ZC3H12B: variants seen among roughly 807,000 people sequenced by gnomAD.
The protein encoded by ZC3H12B is zinc finger CCCH-type containing 12B.
Under a neutral mutation model 43.9 loss-of-function variants are expected in ZC3H12B, and 7 were observed. The observed-to-expected ratio is 0.16, with a 90% confidence interval of 0.09 to 0.30. The LOEUF (loss-of-function observed/expected upper bound fraction) is 0.30, where lower values mean the gene tolerates loss of function less well. Among genes scored for constraint, ZC3H12B ranks in the 10% least tolerant of loss-of-function variants. The pLI is 1.00. For synonymous variants in ZC3H12B, 222 were observed against 241.7 expected (o/e 0.92, Z 0.76); for missense variants, 475 against 670.2 (o/e 0.71, Z 3.22).
the ZC3H12B span, among the ~76,000 whole-genome samples, chrX:65,324,679 T>G: frequency 1.8e-5 from 2 of 111,464 alleles, no homozygotes; most frequent in East Asian, 2.8e-4. Context: ...TGATTTAAGT[T>G]TTCTTAAAAT....
At chrX:65,245,822 A>G in the ZC3H12B span, among the ~76,000 whole-genome samples, 1 of 110,986 alleles carries the variant, frequency 9.0e-6, no homozygotes, top group South Asian at 3.8e-4. Context: ...CCTATTCAAC[A>G]TACTATTGGA....
At chrX:65,397,360 C>T (rs1169237721) in intron 2 of ZC3H12B, among the ~76,000 whole-genome samples, 3 of 111,786 alleles carry the variant, frequency 2.7e-5, no homozygotes, top group Non-Finnish European at 5.6e-5. Context: ...CATATTAGGG[C>T]TTCCTTCAGG....
exon 5 of ZC3H12B, chrX:65,504,592 G>C (rs1406726581): frequency 8.9e-6 from 1 of 112,102 alleles, no homozygotes; most frequent in Non-Finnish European, 1.9e-5. Flanking sequence ...AAGGACCAGG[G>C]GACTTACTAC....
At chrX:65,332,209 G>T in the ZC3H12B span, among the ~76,000 whole-genome samples, 1 of 110,316 alleles carries the variant, frequency 9.1e-6, no homozygotes, top group Non-Finnish European at 1.9e-5. Flanking sequence ...ATGAAAATTT[G>T]TCTTCTGTAA....
the ZC3H12B span, among the ~76,000 whole-genome samples, chrX:65,179,299 G>T: frequency 3.6e-5 from 4 of 109,816 alleles, no homozygotes; most frequent in Admixed American, 2.0e-4. Context: ...GAAGAGATAC[G>T]TAATGTAGAT....
At chrX:65,259,320 T>G in the ZC3H12B span, among the ~76,000 whole-genome samples, 1 of 111,936 alleles carries the variant, frequency 8.9e-6, no homozygotes, top group East Asian at 2.8e-4. Context: ...AGGAAAAAAT[T>G]CTCTATTCAA....
At chrX:65,195,959 A>G in the ZC3H12B span, among the ~76,000 whole-genome samples, 1 of 111,954 alleles carries the variant, frequency 8.9e-6, no homozygotes, top group Non-Finnish European at 1.9e-5. Flanking sequence ...AATAAATGCA[A>G]GCCTCACTTT....
chrX:65,255,660 T>C, the ZC3H12B span, among the ~76,000 whole-genome samples: 1 of 111,932 alleles, frequency 8.9e-6, no homozygotes, highest in Admixed American at 9.5e-5. Flanking sequence ...ACTAGCAACA[T>C]GATAGAATCA....
At chrX:65,205,744 T>A in the ZC3H12B span, among the ~76,000 whole-genome samples, 1 of 111,107 alleles carries the variant, frequency 9.0e-6, no homozygotes, top group African/African-American at 3.3e-5. Context: ...TGTTTGCTGG[T>A]AATATAATTA....
chrX:65,042,208 T>C, the ZC3H12B span, among the ~76,000 whole-genome samples: 3 of 112,466 alleles, frequency 2.7e-5, no homozygotes, highest in Admixed American at 1.9e-4. Flanking sequence ...AAAACTTAGC[T>C]GTTTGGAAAA....
At chrX:65,412,192 G>A (rs1042489476) in intron 3 of ZC3H12B, among the ~76,000 whole-genome samples, 17 of 111,103 alleles carry the variant, frequency 1.5e-4, no homozygotes, top group African/African-American at 5.6e-4. Flanking sequence ...ATGTTCTGTC[G>A]CTGTGTATTT....
chrX:65,432,003 T>A (rs748817197), intron 3 of ZC3H12B, among the ~76,000 whole-genome samples: 1 of 111,695 alleles, frequency 9.0e-6, no homozygotes, highest in Non-Finnish European at 1.9e-5. Context: ...CATGCCTGAG[T>A]CTTCTCTTCT....
chrX:65,343,086 G>A, the ZC3H12B span, among the ~76,000 whole-genome samples: 1 of 110,749 alleles, frequency 9.0e-6, no homozygotes, highest in Non-Finnish European at 1.9e-5. Context: ...TAAATTCCTG[G>A]ACACATACAC....
At chrX:65,058,080 A>G in the ZC3H12B span, among the ~76,000 whole-genome samples, 1,667 of 110,974 alleles carry the variant, frequency 0.015, 11 homozygotes, top group Middle Eastern at 0.028. Context: ...TCTTCTCTCA[A>G]CTCCTCAGAG....
chrX:65,240,371 TACTTGTGA>T, the ZC3H12B span, among the ~76,000 whole-genome samples: 1 of 112,318 alleles, frequency 8.9e-6, no homozygotes. Context: ...CTGCTTTTGA[TACTTGTGA>T]TAGCATTGTC....
chrX:65,115,604 A>G, the ZC3H12B span, among the ~76,000 whole-genome samples: 1 of 111,475 alleles, frequency 9.0e-6, no homozygotes, highest in Non-Finnish European at 1.9e-5. Flanking sequence ...CAGTAGACCT[A>G]CTTTTAGTAC....
At chrX:65,229,763 A>G in the ZC3H12B span, among the ~76,000 whole-genome samples, 1 of 104,909 alleles carries the variant, frequency 9.5e-6, no homozygotes, top group African/African-American at 3.5e-5. Flanking sequence ...ACATTTATGC[A>G]GCCAAAAAAC....
In ZC3H12B at chrX:65,422,522, C is replaced by A. The variant is rs192231514; in HGVS notation, n.407+23818C>A. On this transcript the variant is annotated intron_variant and non_coding_transcript_variant, in intron 3 of 5. Coordinates refer to the ZC3H12B transcript ENST00000617377. ...CAGGATGTTGAGATATTTGATTAAACATTTTTTGATGTTTTATTTTTTTTT... is the reference window on the plus strand; with the variant it reads ...CAGGATGTTGAGATATTTGATTAAAAATTTTTTGATGTTTTATTTTTTTTT... Among the ~76,000 whole-genome samples the A allele has an allele frequency of 7.3e-4, 77 of 106,146 alleles. 1 individual carries two copies. The Admixed American group carries it at 7.4e-3, about 10-fold the overall frequency. 92.2% of individuals were successfully genotyped at this position (106,146 alleles called of 115,157 possible).
chrX:65,354,217 C>T, the ZC3H12B span, among the ~76,000 whole-genome samples: 1 of 111,775 alleles, frequency 8.9e-6, no homozygotes, highest in Non-Finnish European at 1.9e-5. Flanking sequence ...TACAGGAGAG[C>T]TGGCATCTGG....
Sources: gnomAD v4.1 joint callset for allele counts (sites outside exome capture counted in the v4.1 genomes callset) on GRCh38, gnomAD v4.1.1 for gene constraint, MANE v1.5 for transcripts, NCBI Gene and HGNC (gene_info 2026-07-23, HGNC 2026-07-21) for gene names.